The following COL21A1 variants were observed in gnomAD, a reference collection of about 807,000 sequenced individuals.
COL21A1 encodes collagen alpha-1(XXI) chain.
A neutral mutation model predicts 137.9 loss-of-function variants in COL21A1; 149 were observed. The observed-to-expected ratio is 1.08, with a 90% confidence interval of 0.95 to 1.24. The LOEUF (loss-of-function observed/expected upper bound fraction) is 1.24, where lower values mean the gene tolerates loss of function less well. COL21A1 is among the 50% of genes most tolerant of loss of function. The pLI is 0.00. For synonymous variants in COL21A1, 456 were observed against 391.5 expected, an observed-to-expected ratio of 1.16 and a Z score of -1.95; for missense variants, 1,167 against 1,158.4, an observed-to-expected ratio of 1.01 and a Z score of -0.11.
chr6:56,348,031 G>A (rs1280764706), intron 1 of COL21A1, among the ~76,000 whole-genome samples: 1 of 152,134 alleles, frequency 6.6e-6, no homozygotes, highest in East Asian at 1.9e-4. Flanking sequence ...GGAGTAGGCA[G>A]GACCAGCATA....
chr6:56,333,189 C>A (rs72873644), intron 1 of COL21A1, among the ~76,000 whole-genome samples: 8,103 of 120,870 alleles, frequency 0.067, 285 homozygotes, highest in South Asian at 0.12. Flanking sequence ...GATAAATATA[C>A]ATACTTGTGA....
chr6:56,322,789 T>C (rs1020134666), intron 1 of COL21A1, among the ~76,000 whole-genome samples: 4 of 151,622 alleles, frequency 2.6e-5, no homozygotes, highest in African/African-American at 9.7e-5. Flanking sequence ...TTTGTGTTAA[T>C]ATTTAATCCA....
At chr6:56,068,604 T>A (rs1766466532) in intron 22 of COL21A1, among the ~76,000 whole-genome samples, 1 of 151,604 alleles carries the variant, frequency 6.6e-6, no homozygotes, top group Non-Finnish European at 1.5e-5. Flanking sequence ...ACATAATTGT[T>A]TCATAGATAG....
At chr6:56,066,397 A>G (rs991639848) in intron 23 of COL21A1, among the ~76,000 whole-genome samples, 2 of 151,908 alleles carry the variant, frequency 1.3e-5, no homozygotes, top group Admixed American at 6.6e-5. Context: ...ACGATTCCAG[A>G]AATTCTACAG....
chr6:56,174,929 T>G (rs2152276250), intron 3 of COL21A1, among the ~76,000 whole-genome samples: 1 of 152,110 alleles, frequency 6.6e-6, no homozygotes, highest in African/African-American at 2.4e-5. Context: ...CAAACTGAAT[T>G]TAACAGCACA....
chr6:56,066,410 T>C (rs1766251657), intron 23 of COL21A1, among the ~76,000 whole-genome samples: 2 of 151,946 alleles, frequency 1.3e-5, no homozygotes, highest in African/African-American at 2.4e-5. Context: ...TTCTACAGCA[T>C]TCAGAATTCT....
chr6:56,268,532 T>A (rs1763446869), intron 1 of COL21A1, among the ~76,000 whole-genome samples: 1 of 152,190 alleles, frequency 6.6e-6, no homozygotes, highest in Non-Finnish European at 1.5e-5. Flanking sequence ...AAAAATATTC[T>A]GTCAATATAT....
intron 1 of COL21A1, among the ~76,000 whole-genome samples, chr6:56,310,526 A>G (rs1223665271): frequency 3.9e-5 from 6 of 152,210 alleles, no homozygotes; most frequent in Admixed American, 1.3e-4. Flanking sequence ...TCTACAAAGT[A>G]AAAATAAATT....
intron 1 of COL21A1, among the ~76,000 whole-genome samples, chr6:56,304,241 C>T (rs1764377092): frequency 6.6e-6 from 1 of 151,900 alleles, no homozygotes; most frequent in East Asian, 1.9e-4. Context: ...ATGATGCTGG[C>T]CTCATAAAAT....
chr6:56,321,165 T>C (rs1362406496), intron 1 of COL21A1, among the ~76,000 whole-genome samples: 1 of 152,180 alleles, frequency 6.6e-6, no homozygotes, highest in Non-Finnish European at 1.5e-5. Flanking sequence ...CATGGGTCTC[T>C]CACGTTTCTG....
chr6:56,235,293 G>T (rs545407574), intron 1 of COL21A1, among the ~76,000 whole-genome samples: 13 of 152,024 alleles, frequency 8.6e-5, no homozygotes, highest in Admixed American at 5.3e-4. Context: ...TTGTGAACCA[G>T]GCCTATATTC....
chr6:56,175,102 G>T (rs1777356691), intron 3 of COL21A1, among the ~76,000 whole-genome samples: 1 of 151,984 alleles, frequency 6.6e-6, no homozygotes, highest in African/African-American at 2.4e-5. Context: ...ACTATTTTAT[G>T]ATAAAAGCAC....
In COL21A1 at chr6:56,182,610, G is replaced by C. The variant is rs61738362; in HGVS notation, c.9C>G (p.His3Gln). The change falls in exon 2 of 30, where the codon CAC (histidine) becomes CAG (glutamine). Residue 3 changes from histidine (H) to glutamine (Q), a missense_variant. His to Gln is a conservative substitution (Grantham distance 24). Coordinates refer to ENST00000244728, the MANE Select transcript of COL21A1 (RefSeq NM_030820.4). ...AAACCATGCAGAGAAATGTAATATAGTGAGCCATGTTTCTGTTTTCGTTCT... is the reference window on the plus strand; with the variant it reads ...AAACCATGCAGAGAAATGTAATATACTGAGCCATGTTTCTGTTTTCGTTCT... MA[H>Q]YITFLCMVLV... The C allele has an allele frequency of 3.1e-5, 49 of 1,599,340 alleles. No homozygotes were observed. The highest frequency in any genetic ancestry group is 6.8e-6 in the Non-Finnish European group (8 of 1,171,632).
intron 1 of COL21A1, among the ~76,000 whole-genome samples, chr6:56,340,911 C>T (rs1765453900): frequency 6.6e-6 from 1 of 152,194 alleles, no homozygotes; most frequent in African/African-American, 2.4e-5. Context: ...GGAAAGAAAT[C>T]AGACCCCTTT....
chr6:56,229,694 G>T (rs1394466933), intron 1 of COL21A1, among the ~76,000 whole-genome samples: 1 of 151,956 alleles, frequency 6.6e-6, no homozygotes, highest in Non-Finnish European at 1.5e-5. Flanking sequence ...TAAGGGTAAA[G>T]AGCTCTGGAG....
intron 1 of COL21A1, among the ~76,000 whole-genome samples, chr6:56,262,098 C>A (rs1213802412): frequency 6.6e-6 from 1 of 152,182 alleles, no homozygotes. Flanking sequence ...CATTCGATTT[C>A]TCAAACCTGG....
intron 16 of COL21A1, among the ~76,000 whole-genome samples, chr6:56,105,651 G>A (rs1770821689): frequency 6.6e-6 from 1 of 152,002 alleles, no homozygotes; most frequent in Non-Finnish European, 1.5e-5. Context: ...TGTTGTTATG[G>A]CCATGTCACC....
intron 1 of COL21A1, among the ~76,000 whole-genome samples, chr6:56,355,051 CAG>C (rs1377292281): frequency 6.6e-6 from 1 of 152,114 alleles, no homozygotes; most frequent in Non-Finnish European, 1.5e-5. Flanking sequence ...AGAATTGACT[CAG>C]GGGGTTCTCG....
At chr6:56,301,889 GATGTTCCCCTTCCTGTGTCCC>G (rs1199772630) in intron 1 of COL21A1, among the ~76,000 whole-genome samples, 1 of 151,418 alleles carries the variant, frequency 6.6e-6, no homozygotes, top group Non-Finnish European at 1.5e-5. Context: ...CCCGGTGTGT[GATGTTCCCCTTCCTGTGTCCC>G]ATGCTCCCCT....
Sources: gnomAD v4.1 joint callset for allele counts (sites outside exome capture counted in the v4.1 genomes callset) on GRCh38, gnomAD v4.1.1 for gene constraint, MANE v1.5 for transcripts, NCBI Gene and HGNC (gene_info 2026-07-23, HGNC 2026-07-21) for gene names.